BAIAP2L1: variants seen among roughly 807,000 people sequenced by gnomAD.
The protein encoded by BAIAP2L1 is BAR/IMD domain-containing adapter protein 2-like 1.
A neutral mutation model predicts 66.3 loss-of-function variants in BAIAP2L1; 35 were observed. The ratio of observed to expected loss-of-function variants is 0.53; its 90% confidence interval spans 0.40 to 0.70. The LOEUF (loss-of-function observed/expected upper bound fraction) is 0.70. Ranked by LOEUF, BAIAP2L1 falls within the 30% of genes least tolerant of loss-of-function variation. The probability of loss-of-function intolerance (pLI) is 0.00; values close to 1 mark genes in which losing one functional copy is unlikely to be tolerated. For synonymous variants in BAIAP2L1, 269 were observed against 248.7 expected (o/e 1.08, Z -0.77); for missense variants, 622 against 656.9 (o/e 0.95, Z 0.58).
At chr7:98,304,568 G>A (rs1046624074) in intron 11 of BAIAP2L1, among the ~76,000 whole-genome samples, 192 bp from the exon 12 acceptor site, 4 of 151,916 alleles carry the variant, frequency 2.6e-5, no homozygotes, top group East Asian at 1.9e-4. Context: ...ATTTTTTTGC[G>A]ACAGAGTCTC....
chr7:98,295,164 G>A (rs1800135502), intron 12 of BAIAP2L1, among the ~76,000 whole-genome samples: 2 of 152,338 alleles, frequency 1.3e-5, no homozygotes, highest in East Asian at 1.9e-4. Context: ...GCGCTAGAGC[G>A]CAGGCCGTTC....
intron 1 of BAIAP2L1, among the ~76,000 whole-genome samples, chr7:98,372,561 CTTGT>C (rs534170035): frequency 4.3e-4 from 65 of 152,138 alleles, no homozygotes; most frequent in African/African-American, 1.5e-3. Context: ...AGTTCTGTGG[CTTGT>C]AACGTATGTA....
At chr7:98,389,225 G>A (rs1802968109) in intron 1 of BAIAP2L1, among the ~76,000 whole-genome samples, 3 of 152,148 alleles carry the variant, frequency 2.0e-5, no homozygotes, top group African/African-American at 4.8e-5. Context: ...ACTCAGCATG[G>A]GGCTGCTGGA....
intron 3 of BAIAP2L1, among the ~76,000 whole-genome samples, chr7:98,349,816 A>C (rs1801959809): frequency 6.6e-6 from 1 of 151,866 alleles, no homozygotes; most frequent in Non-Finnish European, 1.5e-5. Context: ...TCTGACATGG[A>C]GTCTCACCTC....
intron 1 of BAIAP2L1, among the ~76,000 whole-genome samples, chr7:98,371,326 G>T (rs1054576730): frequency 3.3e-5 from 5 of 152,140 alleles, no homozygotes; most frequent in African/African-American, 1.2e-4. Flanking sequence ...GGCATGCATA[G>T]TTATGGTTGC....
chr7:98,322,559 C>T (rs1801278465), intron 3 of BAIAP2L1, among the ~76,000 whole-genome samples: 1 of 152,192 alleles, frequency 6.6e-6, no homozygotes, highest in Admixed American at 6.5e-5. Context: ...TCTGTGGTCT[C>T]TTCCCTGCCC....
intron 1 of BAIAP2L1, among the ~76,000 whole-genome samples, chr7:98,375,378 T>C (rs1417450940): frequency 7.0e-6 from 1 of 141,900 alleles, no homozygotes; most frequent in Non-Finnish European, 1.5e-5. Context: ...CAGGCGACAG[T>C]ACAACACTCC....
At chr7:98,384,120 A>G (rs1802829726) in intron 1 of BAIAP2L1, among the ~76,000 whole-genome samples, 1 of 151,334 alleles carries the variant, frequency 6.6e-6, no homozygotes, top group African/African-American at 2.4e-5. Flanking sequence ...CACCATTGCA[A>G]TCCAGCCTGG....
intron 3 of BAIAP2L1, among the ~76,000 whole-genome samples, chr7:98,335,101 C>T (rs1279314692): frequency 7.1e-6 from 1 of 140,414 alleles, no homozygotes; most frequent in African/African-American, 2.7e-5. Flanking sequence ...GGCAGTGAGC[C>T]GAGATGACGC....
At position 98,292,897 on chromosome 7, in the gene BAIAP2L1, G is replaced by GAGTAACCAGCC; in HGVS notation, c.*623_*624insGGCTGGTTACT. 2 of 1,422,536 alleles carry GAGTAACCAGCC rather than the reference G, an allele frequency of 1.4e-6. No individual in the cohort carries two copies. Among genetic ancestry groups the GAGTAACCAGCC allele is most frequent in the South Asian group, 3.1e-5 (2 of 65,180 alleles). The allele number at this position is 1,422,536 out of a possible 1,614,324, so 88.1% of individuals were successfully genotyped here. On this transcript the variant is annotated 3_prime_UTR_variant, in exon 14 of 14. Transcript: ENST00000005260. ...CGGAGGAGATTTCGTCGAGTGCTACGTGTGGCTGTGATAAGGGCAGGCAAA... is the reference window on the plus strand; with the variant it reads ...CGGAGGAGATTTCGTCGAGTGCTACGAGTAACCAGCCTGTGGCTGTGATAAGGGCAGGCAAA...
chr7:98,385,727 TC>T (rs1056086282), intron 1 of BAIAP2L1: 6 of 1,203,426 alleles, frequency 5.0e-6, no homozygotes, highest in Non-Finnish European at 5.8e-6. Flanking sequence ...AATCAACATT[TC>T]TTTTTTTTGT....
At chr7:98,328,580 C>A (rs1219490319) in intron 3 of BAIAP2L1, among the ~76,000 whole-genome samples, 1 of 150,408 alleles carries the variant, frequency 6.6e-6, no homozygotes, top group Non-Finnish European at 1.5e-5. Flanking sequence ...AATGCACTGG[C>A]TTATACCTGG....
intron 1 of BAIAP2L1, among the ~76,000 whole-genome samples, chr7:98,395,318 A>G (rs773041911): frequency 2.6e-5 from 4 of 151,988 alleles, no homozygotes; most frequent in African/African-American, 9.7e-5. Flanking sequence ...ATAAGCCTGT[A>G]ATCCCAACTA....
At chr7:98,295,073 C>T (rs1800129664) in intron 12 of BAIAP2L1, among the ~76,000 whole-genome samples, 1 of 152,240 alleles carries the variant, frequency 6.6e-6, no homozygotes, top group Admixed American at 6.5e-5. Context: ...CAGGAAGCGT[C>T]CCAGCACCCC....
chr7:98,332,068 G>A (rs535531958), intron 3 of BAIAP2L1, among the ~76,000 whole-genome samples: 218 of 152,004 alleles, frequency 1.4e-3, no homozygotes, highest in Non-Finnish European at 2.7e-3. Flanking sequence ...CACATAGGTC[G>A]GAACTTTGGA....
At chr7:98,371,693 TTAAC>T (rs1462758072) in intron 1 of BAIAP2L1, among the ~76,000 whole-genome samples, 2 of 152,218 alleles carry the variant, frequency 1.3e-5, no homozygotes, top group African/African-American at 2.4e-5. Context: ...TATACATAAA[TTAAC>T]TGTGTACATT....
In BAIAP2L1 at chr7:98,315,627, A is replaced by ATAATAT. The variant is rs2116888976; in HGVS notation, c.487-16_487-15insATATTA. The ATAATAT allele has an allele frequency of 9.9e-7, 1 of 1,005,562 alleles. No individual in the cohort carries two copies. The highest frequency in any genetic ancestry group is 1.3e-6 in the Non-Finnish European group (1 of 766,500). 62.3% of individuals were successfully genotyped at this position (1,005,562 alleles called of 1,614,324 possible). A position where few individuals can be genotyped will look rare whatever the true frequency, so the allele number is the denominator to read the frequency against. Reference sequence around the variant, plus strand: ...GTCTCCACATACTAAAAAAAAAAAAATAATAATAATAATAATTATATAAGC... The same window carrying ATAATAT: ...GTCTCCACATACTAAAAAAAAAAAAATAATATTAATAATAATAATAATTATATAAGC... On this transcript the variant is annotated splice_polypyrimidine_tract_variant and intron_variant, in intron 6 of 13. Coordinates refer to ENST00000005260, the MANE Select transcript of BAIAP2L1 (RefSeq NM_018842.5).
chr7:98,372,030 G>A (rs999288594), intron 1 of BAIAP2L1, among the ~76,000 whole-genome samples: 1 of 151,896 alleles, frequency 6.6e-6, no homozygotes, highest in Admixed American at 6.6e-5. Flanking sequence ...TCCTGATCTC[G>A]TGATCCACCT....
At chr7:98,356,470 G>A (rs1325876484) in intron 2 of BAIAP2L1, among the ~76,000 whole-genome samples, 1 of 151,980 alleles carries the variant, frequency 6.6e-6, no homozygotes, top group Admixed American at 6.6e-5. Flanking sequence ...TGTATAATGG[G>A]CAATTGTTTT....
Sources: gnomAD v4.1 joint callset for allele counts (sites outside exome capture counted in the v4.1 genomes callset) on GRCh38, gnomAD v4.1.1 for gene constraint, MANE v1.5 for transcripts, NCBI Gene and HGNC (gene_info 2026-07-23, HGNC 2026-07-21) for gene names.